Variants in FHIT observed in about 807,000 individuals in gnomAD.
FHIT encodes fragile histidine triad diadenosine triphosphatase, also known as bis(5'-adenosyl)-triphosphatase.
Under a neutral mutation model 17.9 loss-of-function variants are expected in FHIT, and 19 were observed. That is an observed-to-expected ratio of 1.06 (90% CI 0.74 to 1.56). The LOEUF is 1.56. Ranked by LOEUF, FHIT falls within the 40% of genes most tolerant of loss-of-function variation. The pLI is 0.00. For synonymous variants in FHIT, 81 were observed against 69.7 expected, an observed-to-expected ratio of 1.16 and a Z score of -0.81; for missense variants, 248 against 189.2, an observed-to-expected ratio of 1.31 and a Z score of -1.82.
At chr3:60,029,320 C>T (rs1288603826) in intron 5 of FHIT, among the ~76,000 whole-genome samples, 1 of 152,094 alleles carries the variant, frequency 6.6e-6, no homozygotes, top group East Asian at 1.9e-4. Context: ...ATGAGGGGTA[C>T]TTGTACTTCC....
chr3:60,033,614 A>T (rs1397170851), intron 5 of FHIT, among the ~76,000 whole-genome samples: 1 of 151,742 alleles, frequency 6.6e-6, no homozygotes, highest in African/African-American at 2.4e-5. Context: ...AGAGCTAAGA[A>T]AATACTTCTA....
intron 8 of FHIT, among the ~76,000 whole-genome samples, chr3:59,778,130 C>G (rs1702413551): frequency 1.3e-5 from 2 of 152,180 alleles, no homozygotes; most frequent in Admixed American, 6.6e-5. Flanking sequence ...ACCCCTCTAT[C>G]CCCCAGTGCC....
chr3:60,017,075 G>C (rs1575894631), intron 5 of FHIT, among the ~76,000 whole-genome samples: 1 of 152,298 alleles, frequency 6.6e-6, no homozygotes, highest in Non-Finnish European at 1.5e-5. Context: ...ATTAATGACA[G>C]TGCTGTGATG....
At chr3:59,800,043 G>A (rs577506690) in intron 8 of FHIT, among the ~76,000 whole-genome samples, 1 of 152,146 alleles carries the variant, frequency 6.6e-6, no homozygotes, top group African/African-American at 2.4e-5. Context: ...AACCATTCAG[G>A]AATACAAAAA....
Position 60,302,810 on chromosome 3 carries a change from T to C in FHIT, c.103+234050A>G, listed in dbSNP as rs184868694. 4.6e-5 allele frequency among the ~76,000 whole-genome samples: 7 copies of C among 152,252 alleles called. No individual in the cohort carries two copies. The East Asian group carries it at 1.4e-3, about 29-fold the overall frequency. On this transcript the variant is annotated intron_variant, in intron 5 of 9. Transcript: ENST00000492590. ...AATTCCATCTAATTGAAAACTGGAC[T>C]GAAATGGCTAGGCTCAAATGGGGGC...
At chr3:59,947,482 G>A (rs962704252) in intron 7 of FHIT, among the ~76,000 whole-genome samples, 1 of 151,934 alleles carries the variant, frequency 6.6e-6, no homozygotes, top group Non-Finnish European at 1.5e-5. Context: ...TTGATCTTTT[G>A]TATGGTTTTC....
intron 2 of FHIT, among the ~76,000 whole-genome samples, chr3:61,164,589 G>C (rs1576132539): frequency 6.6e-6 from 1 of 152,000 alleles, no homozygotes; most frequent in East Asian, 1.9e-4. Flanking sequence ...GGAAAAATGG[G>C]GATAATAACA....
At chr3:60,869,220 A>T (rs1224272399) in intron 3 of FHIT, among the ~76,000 whole-genome samples, 1 of 152,160 alleles carries the variant, frequency 6.6e-6, no homozygotes, top group African/African-American at 2.4e-5. Flanking sequence ...TTTTGAGGAC[A>T]ATTATTCATG....
At chr3:60,436,858 G>A (rs1252355701) in intron 5 of FHIT, among the ~76,000 whole-genome samples, 1 of 151,994 alleles carries the variant, frequency 6.6e-6, no homozygotes, top group Admixed American at 6.6e-5. Context: ...ATTAGAAAAT[G>A]TTTACCTAAT....
chr3:60,094,125 G>C (rs1443084325), intron 5 of FHIT, among the ~76,000 whole-genome samples: 1 of 152,164 alleles, frequency 6.6e-6, no homozygotes, highest in Non-Finnish European at 1.5e-5. Flanking sequence ...GTGTTACCCA[G>C]TGAAGTTTCT....
intron 3 of FHIT, among the ~76,000 whole-genome samples, chr3:60,860,713 A>G (rs1360247862): frequency 9.1e-6 from 1 of 110,454 alleles, no homozygotes; most frequent in Non-Finnish European, 2.0e-5. Flanking sequence ...ATATGTACAT[A>G]TATATCAGGT....
At chr3:60,069,416 G>A (rs972074001) in intron 5 of FHIT, among the ~76,000 whole-genome samples, 3 of 152,156 alleles carry the variant, frequency 2.0e-5, no homozygotes, top group African/African-American at 7.2e-5. Flanking sequence ...AATTTCTAAT[G>A]TAACCTATGT....
chr3:60,670,693 C>T (rs1268712420), intron 4 of FHIT, among the ~76,000 whole-genome samples: 2 of 152,106 alleles, frequency 1.3e-5, no homozygotes, highest in Non-Finnish European at 1.5e-5. Flanking sequence ...TAGATGTAAC[C>T]TCTTAAACTC....
Position 60,029,527 on chromosome 3 carries a change from G to A in FHIT, c.104-15375C>T, listed in dbSNP as rs184761541. On this transcript the variant is annotated intron_variant, in intron 5 of 9. Coordinates refer to ENST00000492590, the MANE Select transcript of FHIT (RefSeq NM_002012.4). ...TCTCTCCAGAAAGAGCAGACCCGTC[G>A]TCATATGCTCCTGAATTCTCCCACC... Among the ~76,000 whole-genome samples, 34 of 152,240 alleles carry A rather than the reference G, an allele frequency of 2.2e-4. 1 individual carries two copies. The East Asian group carries it at 5.4e-3, about 24-fold the overall frequency.
At chr3:60,519,595 T>C (rs866646751) in intron 5 of FHIT, among the ~76,000 whole-genome samples, 1 of 138,900 alleles carries the variant, frequency 7.2e-6, no homozygotes, top group Non-Finnish European at 1.6e-5. Context: ...AAAATATTAA[T>C]ATTAAGAAAA....
chr3:60,634,303 C>T (rs1406345491), intron 4 of FHIT, among the ~76,000 whole-genome samples: 1 of 151,976 alleles, frequency 6.6e-6, no homozygotes, highest in Non-Finnish European at 1.5e-5. Flanking sequence ...AAAAAAAAAT[C>T]TTTTCAAAAG....
intron 4 of FHIT, among the ~76,000 whole-genome samples, chr3:60,808,783 T>A (rs1701479530): frequency 6.6e-6 from 1 of 152,180 alleles, no homozygotes; most frequent in Non-Finnish European, 1.5e-5. Flanking sequence ...TGGCTACTAG[T>A]TCTCCCCCCT....
At chr3:59,993,200 G>A (rs893919290) in intron 7 of FHIT, among the ~76,000 whole-genome samples, 2 of 151,964 alleles carry the variant, frequency 1.3e-5, no homozygotes, top group African/African-American at 4.8e-5. Flanking sequence ...CTCCTTGGTC[G>A]TTACGACATG....
intron 1 of FHIT, among the ~76,000 whole-genome samples, chr3:61,246,357 G>A (rs1183364810): frequency 6.6e-6 from 1 of 152,044 alleles, no homozygotes; most frequent in East Asian, 1.9e-4. Flanking sequence ...TTGGGGTCTG[G>A]ATCAAGACCC....
Sources: allele counts gnomAD v4.1 joint callset (sites outside exome capture counted in the v4.1 genomes callset), GRCh38; gene constraint gnomAD v4.1.1; transcripts MANE v1.5; gene names NCBI Gene and HGNC (gene_info 2026-07-23, HGNC 2026-07-21).